The following TEAD1 variants were observed in gnomAD, a reference collection of about 807,000 sequenced individuals.
The protein encoded by TEAD1 is transcriptional enhancer factor TEF-1.
A neutral mutation model predicts 54.9 loss-of-function variants in TEAD1; 9 were observed. The ratio of observed to expected loss-of-function variants is 0.16; its 90% CI spans 0.10 to 0.29. TEAD1 has a LOEUF of 0.29. Among genes scored for constraint, TEAD1 ranks in the 10% least tolerant of loss-of-function variants. The pLI, the probability that TEAD1 is intolerant of heterozygous loss-of-function variation, is 1.00. For missense variants in TEAD1, 387 were observed against 535.9 expected (o/e 0.72, Z 2.74); for synonymous variants, 200 against 187.8 (o/e 1.07, Z -0.53).
intron 10 of TEAD1, among the ~76,000 whole-genome samples, chr11:12,909,323 A>G (rs1948577432): frequency 6.6e-6 from 1 of 152,188 alleles, no homozygotes. Context: ...TATCCAGTCT[A>G]TTATTGAATA....
intron 2 of TEAD1, among the ~76,000 whole-genome samples, chr11:12,700,831 A>T (rs1943684638): frequency 6.6e-6 from 1 of 152,176 alleles, no homozygotes; most frequent in Non-Finnish European, 1.5e-5. Context: ...GATTTTGTAG[A>T]TTATAAGTAG....
intron 3 of TEAD1, among the ~76,000 whole-genome samples, chr11:12,852,845 A>T (rs1336750701): frequency 6.6e-6 from 1 of 152,186 alleles, no homozygotes; most frequent in East Asian, 1.9e-4. Flanking sequence ...TACACAGGGA[A>T]CTCAGCAGAG....
chr11:12,839,244 C>G (rs1447367838), intron 3 of TEAD1, among the ~76,000 whole-genome samples: 1 of 152,126 alleles, frequency 6.6e-6, no homozygotes, highest in Non-Finnish European at 1.5e-5. Context: ...AACACCGTCT[C>G]TACTAAAAAT....
chr11:12,823,894 T>A (rs1452892014), intron 3 of TEAD1, among the ~76,000 whole-genome samples: 1 of 151,896 alleles, frequency 6.6e-6, no homozygotes, highest in Non-Finnish European at 1.5e-5. Flanking sequence ...AACTGAAGAG[T>A]TCCCATCATA....
At chr11:12,869,870 A>G (rs1471597674) in intron 5 of TEAD1, among the ~76,000 whole-genome samples, 2 of 143,046 alleles carry the variant, frequency 1.4e-5, no homozygotes, top group South Asian at 2.2e-4. Flanking sequence ...ATTTTTGCCC[A>G]TTGTCTTTTT....
At chr11:12,918,319 A>G (rs1319372685) in intron 10 of TEAD1, among the ~76,000 whole-genome samples, 2 of 149,824 alleles carry the variant, frequency 1.3e-5, no homozygotes, top group Non-Finnish European at 3.0e-5. Flanking sequence ...TTATATATAT[A>G]TAAAATTATA....
intron 3 of TEAD1, among the ~76,000 whole-genome samples, chr11:12,786,941 C>T (rs540554061): frequency 2.7e-4 from 41 of 152,266 alleles, no homozygotes; most frequent in Admixed American, 1.2e-3. Context: ...CATCAAAGCT[C>T]GGGCATGCCT....
At chr11:12,684,771 G>C (rs994449876) in intron 2 of TEAD1, among the ~76,000 whole-genome samples, 8 of 152,238 alleles carry the variant, frequency 5.3e-5, no homozygotes, top group Non-Finnish European at 1.2e-4. Context: ...GCAAGCTCCA[G>C]AGATAAATCT....
chr11:12,758,259 G>A (rs1441506541), intron 2 of TEAD1, among the ~76,000 whole-genome samples: 1 of 132,368 alleles, frequency 7.6e-6, no homozygotes, highest in East Asian at 2.1e-4. Flanking sequence ...TTTTTTTTTT[G>A]TGATGGAGTC....
At chr11:12,760,416 C>A (rs1328688861) in intron 2 of TEAD1, among the ~76,000 whole-genome samples, 3 of 152,276 alleles carry the variant, frequency 2.0e-5, no homozygotes, top group African/African-American at 7.2e-5. Context: ...AGTTCCATGG[C>A]TTAAGGGCGA....
At chr11:12,897,103 A>T (rs925727511) in intron 9 of TEAD1, among the ~76,000 whole-genome samples, 1 of 152,150 alleles carries the variant, frequency 6.6e-6, no homozygotes, top group African/African-American at 2.4e-5. Context: ...TTTTCTGCTC[A>T]TATCTTGATC....
chr11:12,733,000 TCTCA>T (rs1944452964), intron 2 of TEAD1, among the ~76,000 whole-genome samples: 1 of 152,194 alleles, frequency 6.6e-6, no homozygotes, highest in African/African-American at 2.4e-5. Context: ...TCTGATTTCT[TCTCA>T]CTCTGTGAGT....
At chr11:12,755,695 A>T (rs550419004) in intron 2 of TEAD1, among the ~76,000 whole-genome samples, 1 of 152,212 alleles carries the variant, frequency 6.6e-6, no homozygotes, top group Non-Finnish European at 1.5e-5. Context: ...TCCATTTCCC[A>T]GGGTGGGAGT....
At chr11:12,757,017 C>T (rs1050342088) in intron 2 of TEAD1, among the ~76,000 whole-genome samples, 7 of 152,198 alleles carry the variant, frequency 4.6e-5, no homozygotes, top group Non-Finnish European at 4.4e-5. Context: ...ACTAAGATTA[C>T]AGTGACCTTC....
rs182139081 is a variant in TEAD1 at position 12,932,614 on chromosome 11, C to T, written c.1167+2288C>T. On this transcript the variant is annotated intron_variant, in intron 12 of 12. Transcript: ENST00000527636. ...GCATAGCAGTGTGAAGGGCGGACCA[C>T]GTGTATGGTAGTGCTCCCATAAGAT... Among the ~76,000 whole-genome samples, 577 of 152,172 alleles carry T rather than the reference C, an allele frequency of 3.8e-3. 1 individual carries two copies. The highest frequency in any genetic ancestry group is 4.9e-3 in the Non-Finnish European group (334 of 68,014).
At chr11:12,852,432 A>C (rs2134052845) in intron 3 of TEAD1, among the ~76,000 whole-genome samples, 1 of 147,646 alleles carries the variant, frequency 6.8e-6, no homozygotes, top group South Asian at 2.2e-4. Context: ...GGCTCCATTA[A>C]ATCTCATCTT....
intron 3 of TEAD1, among the ~76,000 whole-genome samples, chr11:12,835,440 G>C (rs892354842): frequency 2.0e-5 from 3 of 151,930 alleles, no homozygotes; most frequent in Admixed American, 1.3e-4. Context: ...CTCCCAAGTA[G>C]GTGGAATTAT....
At position 12,938,576 on chromosome 11, in the gene TEAD1, T is replaced by C. The variant is rs1304270796; in HGVS notation, c.*1354T>C. 1.3e-5 allele frequency: 2 copies of C among 152,266 alleles called. No homozygotes were observed. The highest frequency in any genetic ancestry group is 2.4e-5 in the African/African-American group (1 of 41,468). The allele number at this position is 152,266 out of a possible 1,614,324, so 9.4% of individuals were successfully genotyped here. ...TCCTCTTGAAGCACATCCATTTCTT[T>C]AGCGTCTCTCAGTAAGTTACAGTAC... On this transcript the variant is annotated 3_prime_UTR_variant, in exon 13 of 13. Coordinates refer to ENST00000527636, the MANE Select transcript of TEAD1 (RefSeq NM_021961.6).
In TEAD1 at chr11:12,938,374, T is replaced by A. The variant is rs994193273; in HGVS notation, c.*1152T>A. 1 of 152,644 alleles carries A rather than the reference T, an allele frequency of 6.6e-6. No homozygotes were observed. Among genetic ancestry groups the A allele is most frequent in the African/African-American group, 2.4e-5 (1 of 41,456 alleles). The allele number at this position is 152,644 out of a possible 1,614,324, so 9.5% of individuals were successfully genotyped here. A position where few individuals can be genotyped will look rare whatever the true frequency, so the allele number is the denominator to read the frequency against. On this transcript the variant is annotated 3_prime_UTR_variant, in exon 13 of 13. Transcript: ENST00000527636. ...CTGTGGATACATTCTTTATTTCTAG[T>A]GACCCAATATGCATATTAACCTGCT...
Sources: allele counts gnomAD v4.1 joint callset (sites outside exome capture counted in the v4.1 genomes callset), GRCh38; gene constraint gnomAD v4.1.1; transcripts MANE v1.5; gene names NCBI Gene and HGNC (gene_info 2026-07-23, HGNC 2026-07-21).